ADGRF3: variants seen among roughly 807,000 people sequenced by gnomAD.
The protein encoded by ADGRF3 is G protein-coupled receptor 113.
ADGRF3 carries 85 observed loss-of-function variants against 93.2 expected under a neutral mutation model. The observed-to-expected ratio is 0.91, with a 90% CI of 0.77 to 1.09. ADGRF3 has a LOEUF of 1.09. Ranked by LOEUF, ADGRF3 falls within the 50% of genes least tolerant of loss-of-function variation. The pLI, the probability that ADGRF3 is intolerant of heterozygous loss-of-function variation, is 0.00. For synonymous variants in ADGRF3, 534 were observed against 532.5 expected (o/e 1.00, Z -0.04); for missense variants, 1,125 against 1,246.2 (o/e 0.90, Z 1.46).
At chr2:26,309,804 A>T in intron 12 of ADGRF3, 1 of 1,061,148 alleles carries the variant, frequency 9.4e-7, no homozygotes, top group Non-Finnish European at 1.4e-6. Flanking sequence ...AAACCAGAGA[A>T]AAGAGAGTCA....
intron 1 of ADGRF3, chr2:26,345,920 G>A (rs1676704054): frequency 1.8e-6 from 1 of 559,328 alleles, no homozygotes; most frequent in Non-Finnish European, 3.1e-6. Flanking sequence ...AAGCGACGAA[G>A]AGAGCTGGAA....
intron 1 of ADGRF3, among the ~76,000 whole-genome samples, chr2:26,331,037 TTC>T (rs2147911638): frequency 1.3e-5 from 2 of 152,360 alleles, no homozygotes; most frequent in South Asian, 4.1e-4. Flanking sequence ...TCAAAATATT[TTC>T]TGATTTCCCT....
At chr2:26,342,315 G>A (rs1382492209) in intron 1 of ADGRF3, among the ~76,000 whole-genome samples, 1 of 152,170 alleles carries the variant, frequency 6.6e-6, no homozygotes, top group African/African-American at 2.4e-5. Flanking sequence ...CAGAGTTTAT[G>A]TGTATAAGGC....
chr2:26,334,120 A>G (rs1675913486), intron 1 of ADGRF3, among the ~76,000 whole-genome samples: 1 of 151,878 alleles, frequency 6.6e-6, no homozygotes, highest in South Asian at 2.1e-4. Flanking sequence ...ACTAAAATTT[A>G]AAGGGTTGTA....
intron 1 of ADGRF3, among the ~76,000 whole-genome samples, chr2:26,322,916 A>C (rs2147897699): frequency 6.6e-6 from 1 of 152,192 alleles, no homozygotes; most frequent in Non-Finnish European, 1.5e-5. Context: ...CAGGTGGATC[A>C]CCTGAGGTCA....
Position 26,308,977 on chromosome 2 carries a change from G to A in ADGRF3, c.*109C>T, listed in dbSNP as rs1380175407. The A allele has an allele frequency of 7.5e-6, 11 of 1,459,068 alleles. No homozygotes were observed. Among genetic ancestry groups the A allele is most frequent in the Non-Finnish European group, 9.6e-6 (10 of 1,042,226 alleles). The allele number at this position is 1,459,068 out of a possible 1,614,324, so 90.4% of individuals were successfully genotyped here. ...AAATATAAGCCTGCCTTTCTCAAGGGCTGAGCTCCGGGAGGCGGGAAGAGT... is the reference window on the plus strand; with the variant it reads ...AAATATAAGCCTGCCTTTCTCAAGGACTGAGCTCCGGGAGGCGGGAAGAGT... On this transcript the variant is annotated 3_prime_UTR_variant, in exon 14 of 14. Coordinates refer to ENST00000651242, the MANE Select transcript of ADGRF3 (RefSeq NM_001321971.2).
At chr2:26,338,491 T>C (rs1676176253) in intron 1 of ADGRF3, among the ~76,000 whole-genome samples, 1 of 152,186 alleles carries the variant, frequency 6.6e-6, no homozygotes, top group Admixed American at 6.6e-5. Context: ...AGACGGAGTT[T>C]CGCTCTTGTT....
intron 5 of ADGRF3, 22 bp downstream of exon 5, chr2:26,315,500 A>G: frequency 6.5e-7 from 1 of 1,542,870 alleles, no homozygotes; most frequent in Non-Finnish European, 8.8e-7. Context: ...GAAAGGAGGC[A>G]AGGAGAGGAC....
At position 26,323,443 on chromosome 2, in the gene ADGRF3, G is replaced by A. The variant is rs533628468; in HGVS notation, c.115-5881C>T. ...ACACCTCTAAACATGGATTGTGAAGGCTGCTAGTAAGCAGTGCTCCCTTAT... is the reference window on the plus strand; with the variant it reads ...ACACCTCTAAACATGGATTGTGAAGACTGCTAGTAAGCAGTGCTCCCTTAT... On this transcript the variant is annotated intron_variant, in intron 1 of 13. Transcript: ENST00000651242. Among the ~76,000 whole-genome samples the A allele has an allele frequency of 1.1e-4, 17 of 152,204 alleles. No individual in the cohort carries two copies. The Middle Eastern group carries it at 0.01, about 91-fold the overall frequency.
At chr2:26,321,886 T>C (rs929835533) in intron 1 of ADGRF3, among the ~76,000 whole-genome samples, 1 of 151,236 alleles carries the variant, frequency 6.6e-6, no homozygotes, top group African/African-American at 2.4e-5. Flanking sequence ...AGGCAGGGAA[T>C]TGCTTGAACC....
At chr2:26,342,000 G>A (rs1307994102) in intron 1 of ADGRF3, among the ~76,000 whole-genome samples, 2 of 151,672 alleles carry the variant, frequency 1.3e-5, no homozygotes, top group Non-Finnish European at 2.9e-5. Flanking sequence ...GTGAACCCGG[G>A]AGGCGGAGAT....
At position 26,315,718 on chromosome 2, in the gene ADGRF3, G is replaced by T; in HGVS notation, c.522C>A (p.Asn174Lys). 1 of 1,551,502 alleles carries T rather than the reference G, an allele frequency of 6.4e-7. No homozygotes were observed. The highest frequency in any genetic ancestry group is 8.7e-7 in the Non-Finnish European group (1 of 1,146,994). Residue 174 changes from asparagine (N) to lysine (K), a missense_variant, in exon 5 of 14, where the codon AAC becomes AAA. By Grantham distance (94) the Asn-to-Lys change is moderately conservative (BLOSUM62 0). Coordinates refer to ENST00000651242, the MANE Select transcript of ADGRF3 (RefSeq NM_001321971.2). ...LPPVPGILNL[N>K]SQLQMPGDTL... Reference sequence around the variant, plus strand: ...TGTCACCAGGCATCTGCAGCTGGGAGTTCAGGTTGAGGATCCCGGGGACTG... The same window carrying T: ...TGTCACCAGGCATCTGCAGCTGGGATTTCAGGTTGAGGATCCCGGGGACTG...
At chr2:26,328,453 A>AT (rs1675568431) in intron 1 of ADGRF3, among the ~76,000 whole-genome samples, 2 of 117,660 alleles carry the variant, frequency 1.7e-5, no homozygotes, top group African/African-American at 2.8e-5. Flanking sequence ...AGGCCTTTTT[A>AT]GTTTTTTTTT....
chr2:26,346,572 CTTA>C lies in ADGRF3; in HGVS notation c.-341_-339del, dbSNP rs907288122. ...GAATTCCCTTCCTATTTTTTTTAAA[CTTA>C]TTATTTTCGTAAGCCCCCGAAAGGA... On this transcript the variant is annotated 5_prime_UTR_variant, in exon 1 of 14. Coordinates refer to ENST00000651242, the MANE Select transcript of ADGRF3 (RefSeq NM_001321971.2). The C allele has an allele frequency of 1.6e-5, 5 of 308,426 alleles. No homozygotes were observed. Among genetic ancestry groups the C allele is most frequent in the African/African-American group, 1.1e-4 (5 of 45,642 alleles). The allele number at this position is 308,426 out of a possible 1,614,324, so 19.1% of individuals were successfully genotyped here.
chr2:26,312,000 C>A lies in ADGRF3; in HGVS notation c.1524G>T (p.Lys508Asn). 1 of 1,613,340 alleles carries A rather than the reference C, an allele frequency of 6.2e-7. No homozygotes were observed. Among genetic ancestry groups the A allele is most frequent in the East Asian group, 2.2e-5 (1 of 44,874 alleles). ...RSLWTLAQAR[K>N]PWAGSTLLLA... Reference sequence around the variant, plus strand: ...GCAGGAGAGTCGAGCCTGCCCAGGGCTTCCGGGCTTGGGCCAGGGTCCACA... The same window carrying A: ...GCAGGAGAGTCGAGCCTGCCCAGGGATTCCGGGCTTGGGCCAGGGTCCACA... The change falls in exon 10 of 14, where the codon AAG (lysine) becomes AAT (asparagine). Residue 508 changes from lysine to asparagine, a missense_variant. Lys to Asn is a moderately conservative substitution (Grantham distance 94, BLOSUM62 0). Coordinates refer to ENST00000651242, the MANE Select transcript of ADGRF3 (RefSeq NM_001321971.2).
intron 1 of ADGRF3, among the ~76,000 whole-genome samples, chr2:26,323,007 T>C (rs1265506923): frequency 6.6e-6 from 1 of 151,906 alleles, no homozygotes; most frequent in Non-Finnish European, 1.5e-5. Context: ...GGGGTGGTGG[T>C]GGGCACCTGT....
At chr2:26,341,571 A>G (rs564896051) in intron 1 of ADGRF3, among the ~76,000 whole-genome samples, 26 of 152,252 alleles carry the variant, frequency 1.7e-4, no homozygotes, top group Non-Finnish European at 1.5e-5. Context: ...ATTCTTACCT[A>G]AGAGGATTAT....
chr2:26,310,591 A>G, intron 10 of ADGRF3, 101 bp downstream of exon 10: 2 of 1,265,186 alleles, frequency 1.6e-6, no homozygotes, highest in Middle Eastern at 2.1e-4. Flanking sequence ...TCCTGAACCT[A>G]TGTTTCTTCT....
rs373043841 is a variant in ADGRF3, at chr2:26,346,131, A to T, written c.104T>A (p.Leu35Gln). 2.5e-6 allele frequency: 4 copies of T among 1,594,986 alleles called. No individual in the cohort carries two copies. The African/African-American group carries it at 4.0e-5, about 16-fold the overall frequency. ...TGWARMAKTG[L>Q]PEKGQSQAGG... ...GCGCGGCTCTCCTACCTTCTCGGGC[A>T]GCCCAGTCTTTGCCATCCTTGCCCA... Residue 35 changes from leucine (L) to glutamine (Q), a missense_variant, in exon 1 of 14, where the codon CTG becomes CAG. Leu to Gln is a moderately radical substitution (Grantham distance 113). Transcript: ENST00000651242.
Sources: allele counts gnomAD v4.1 joint callset (sites outside exome capture counted in the v4.1 genomes callset), GRCh38; gene constraint gnomAD v4.1.1; transcripts MANE v1.5; gene names NCBI Gene and HGNC (gene_info 2026-07-23, HGNC 2026-07-21).